The following SCARB2 variants were observed in gnomAD, a reference collection of about 807,000 sequenced individuals.
The protein encoded by SCARB2 is lysosome membrane protein 2.
A neutral mutation model predicts 58.6 loss-of-function variants in SCARB2; 29 were observed. The observed-to-expected ratio is 0.49, with a 90% CI of 0.37 to 0.67. The LOEUF (loss-of-function observed/expected upper bound fraction) is 0.67. Among genes scored for constraint, SCARB2 ranks in the 30% least tolerant of loss-of-function variants. The pLI is 0.00. For synonymous variants in SCARB2, 195 were observed against 210.1 expected, an observed-to-expected ratio of 0.93 and a Z score of 0.62; for missense variants, 488 against 578.5, an observed-to-expected ratio of 0.84 and a Z score of 1.60.
rs1731863149 is a variant in SCARB2, at chr4:76,159,986, T to C, written c.*1727A>G. On this transcript the variant is annotated 3_prime_UTR_variant, in exon 12 of 12. Transcript: ENST00000264896. ...TGTTGATAAATTCTAAAAATGTAGA[T>C]ATTTAGCATTATTGAAGACCAAATA... 1 of 152,216 alleles carries C rather than the reference T, an allele frequency of 6.6e-6. No individual in the cohort carries two copies. The highest frequency in any genetic ancestry group is 2.4e-5 in the African/African-American group (1 of 41,456). The allele number at this position is 152,216 out of a possible 1,614,324, so 9.4% of individuals were successfully genotyped here.
intron 10 of SCARB2, chr4:76,165,012 A>G (rs768447659): frequency 6.6e-6 from 1 of 152,160 alleles, no homozygotes; most frequent in Non-Finnish European, 1.5e-5. Flanking sequence ...GCAAAAATAC[A>G]AGGTTCCACT....
In SCARB2 at chr4:76,168,453, T is replaced by C. The variant is rs1460587936; in HGVS notation, c.1137A>G (p.Ala379=). Reference sequence around the variant, plus strand: ...AAATGTTGATTTGGAACCTCTTGGCTGCTTTTAGGATTATTCCAGTCAACT... The same window carrying C: ...AAATGTTGATTTGGAACCTCTTGGCCGCTTTTAGGATTATTCCAGTCAACT... ...INPLTGIILK[A]AKRFQINIYV... The change falls in exon 9 of 12, where the codon GCA becomes GCG. Residue 379 remains alanine, a synonymous_variant. Transcript: ENST00000264896. The C allele has an allele frequency of 6.2e-7, 1 of 1,614,118 alleles. No individual in the cohort carries two copies. The highest frequency in any genetic ancestry group is 2.2e-5 in the East Asian group (1 of 44,882).
intron 1 of SCARB2, among the ~76,000 whole-genome samples, chr4:76,225,972 C>A (rs1733390872): frequency 6.6e-6 from 1 of 152,168 alleles, no homozygotes; most frequent in East Asian, 1.9e-4. Context: ...GGTACCAATT[C>A]ATCTTTGAAT....
intron 1 of SCARB2, among the ~76,000 whole-genome samples, chr4:76,221,442 C>T (rs889006082): frequency 3.9e-5 from 6 of 152,114 alleles, no homozygotes; most frequent in African/African-American, 1.4e-4. Context: ...CCTCAGCCTC[C>T]CGAGTAGCTG....
At chr4:76,199,014 T>C (rs978829167) in intron 1 of SCARB2, among the ~76,000 whole-genome samples, 16 of 152,336 alleles carry the variant, frequency 1.1e-4, no homozygotes, top group Admixed American at 6.5e-4. Context: ...TGGCAGTTAC[T>C]ATTCAGTTAC....
At chr4:76,196,243 G>C (rs1327109117) in intron 1 of SCARB2, among the ~76,000 whole-genome samples, 1 of 152,186 alleles carries the variant, frequency 6.6e-6, no homozygotes, top group Non-Finnish European at 1.5e-5. Context: ...ATCCTGGCTA[G>C]TCGGGAGGCT....
At chr4:76,222,367 T>TA (rs1733324637) in intron 1 of SCARB2, among the ~76,000 whole-genome samples, 1 of 152,136 alleles carries the variant, frequency 6.6e-6, no homozygotes, top group Non-Finnish European at 1.5e-5. Context: ...GCTGGGACTA[T>TA]AGGCGTGAGC....
At chr4:76,211,764 A>T (rs1457572510) in intron 1 of SCARB2, among the ~76,000 whole-genome samples, 1 of 152,172 alleles carries the variant, frequency 6.6e-6, no homozygotes, top group Non-Finnish European at 1.5e-5. Flanking sequence ...ACTTACCTCT[A>T]ATGACAACAG....
chr4:76,184,645 G>A (rs1227800087), intron 2 of SCARB2: 3 of 227,618 alleles, frequency 1.3e-5, no homozygotes, highest in Non-Finnish European at 2.7e-5. Context: ...AACCAGGCGT[G>A]GTGACATGTA....
At chr4:76,196,261 T>C (rs1386916334) in intron 1 of SCARB2, among the ~76,000 whole-genome samples, 9 of 152,130 alleles carry the variant, frequency 5.9e-5, no homozygotes, top group Non-Finnish European at 1.0e-4. Context: ...GCTGAGGCAG[T>C]AGACTTGCTT....
chr4:76,181,294 T>C (rs1449810953), intron 2 of SCARB2, among the ~76,000 whole-genome samples, 193 bp from the exon 3 acceptor site: 1 of 152,200 alleles, frequency 6.6e-6, no homozygotes, highest in Admixed American at 6.5e-5. Context: ...AGGCCTAGGA[T>C]AGAGTCTTCT....
At chr4:76,198,740 T>G (rs557694952) in intron 1 of SCARB2, among the ~76,000 whole-genome samples, 1 of 152,198 alleles carries the variant, frequency 6.6e-6, no homozygotes, top group Non-Finnish European at 1.5e-5. Context: ...TGGCTTTTCC[T>G]GCTGCTTTCA....
At chr4:76,219,330 G>T (rs1733268146) in intron 1 of SCARB2, among the ~76,000 whole-genome samples, 1 of 152,120 alleles carries the variant, frequency 6.6e-6, no homozygotes, top group South Asian at 2.1e-4. Flanking sequence ...AATATACTTT[G>T]CAATATATCT....
upstream of SCARB2, chr4:76,214,417 A>G (rs1211041077): frequency 2.4e-6 from 1 of 418,432 alleles, no homozygotes; most frequent in South Asian, 1.7e-5. Context: ...TTCACGGAGA[A>G]GGAAACGGTG....
chr4:76,170,042 T>G (rs1732097755), intron 7 of SCARB2, 57 bp from the exon 8 acceptor site: 2 of 1,312,546 alleles, frequency 1.5e-6, no homozygotes, highest in East Asian at 5.2e-5. Flanking sequence ...TAAGCTGAGC[T>G]GAATATAAAA....
chr4:76,187,515 A>G lies in SCARB2; in HGVS notation c.276-6414T>C, dbSNP rs566049062. Among the ~76,000 whole-genome samples the G allele has an allele frequency of 1.3e-4, 20 of 152,366 alleles. 1 individual carries two copies. The highest frequency in any genetic ancestry group is 3.4e-3 in the Middle Eastern group (1 of 294). ...TTAAGTGTAGTAATACATTTACTCT[A>G]TTAAATATAATCATCATTAAAATTC... is the stretch of plus-strand genomic sequence containing the variant. On this transcript the variant is annotated intron_variant, in intron 2 of 11. Coordinates refer to ENST00000264896, the MANE Select transcript of SCARB2 (RefSeq NM_005506.4).
intron 11 of SCARB2, 153 bp from the exon 12 acceptor site, chr4:76,161,904 T>C (rs1193679201): frequency 1.4e-6 from 1 of 711,198 alleles, no homozygotes; most frequent in African/African-American, 2.5e-5. Flanking sequence ...GGCTGCTGCT[T>C]GTTCTTGAAG....
intron 7 of SCARB2, among the ~76,000 whole-genome samples, chr4:76,170,962 ATATATATAT>A (rs1180333053): frequency 2.0e-5 from 3 of 146,976 alleles, no homozygotes; most frequent in Non-Finnish European, 3.0e-5. Context: ...ATATATATAT[ATATATATAT>A]AACCAAATAG....
Position 76,195,829 on chromosome 4 carries a change from G to T in SCARB2, c.153C>A (p.Asp51Glu). The T allele has an allele frequency of 6.2e-7, 1 of 1,613,768 alleles. No individual in the cohort carries two copies. Among genetic ancestry groups the T allele is most frequent in the African/African-American group, 1.3e-5 (1 of 75,028 alleles). The change falls in exon 2 of 12, where the codon GAC (aspartate) becomes GAA (glutamate). Residue 51 changes from aspartate (D) to glutamate (E), a missense_variant. Asp to Glu is a conservative substitution (Grantham distance 45). Coordinates refer to ENST00000264896, the MANE Select transcript of SCARB2 (RefSeq NM_005506.4). ...IVLRNGTEAF[D>E]SWEKPPLPVY... is the part of the protein sequence containing the mutation. ...CAGGCAGAGGGGGCTTCTCCCAGGAGTCAAATGCCTCAGTACCATTCCTTA... is the reference window on the plus strand; with the variant it reads ...CAGGCAGAGGGGGCTTCTCCCAGGATTCAAATGCCTCAGTACCATTCCTTA...
Sources: gnomAD v4.1 joint callset for allele counts (sites outside exome capture counted in the v4.1 genomes callset) on GRCh38, gnomAD v4.1.1 for gene constraint, MANE v1.5 for transcripts, NCBI Gene and HGNC (gene_info 2026-07-23, HGNC 2026-07-21) for gene names.